ARHGAP12: variants seen among roughly 807,000 people sequenced by gnomAD.
ARHGAP12 encodes Rho GTPase activating protein 12, also known as rho GTPase-activating protein 12.
ARHGAP12 carries 64 observed loss-of-function variants against 108.6 expected under a neutral mutation model. The observed-to-expected ratio is 0.59, with a 90% confidence interval of 0.48 to 0.73. The LOEUF is 0.73. Among genes scored for constraint, ARHGAP12 ranks in the 30% least tolerant of loss-of-function variants. ARHGAP12 has a pLI of 0.00. For missense variants in ARHGAP12, 940 were observed against 1,005.9 expected, an observed-to-expected ratio of 0.93 and a Z score of 0.89; for synonymous variants, 312 against 337.2, an observed-to-expected ratio of 0.93 and a Z score of 0.82.
chr10:31,926,436 C>T (rs756424486), intron 1 of ARHGAP12, among the ~76,000 whole-genome samples: 4 of 151,994 alleles, frequency 2.6e-5, no homozygotes, highest in Non-Finnish European at 5.9e-5. Context: ...TGTCGTACTA[C>T]GACACCTTTC....
chr10:31,817,087 T>C (rs944913083), intron 13 of ARHGAP12, among the ~76,000 whole-genome samples: 5 of 152,022 alleles, frequency 3.3e-5, no homozygotes, highest in Non-Finnish European at 5.9e-5. Context: ...TGGAGCACAC[T>C]TGTAGTCCCA....
At chr10:31,853,610 C>A (rs866716688) in intron 5 of ARHGAP12, among the ~76,000 whole-genome samples, 1 of 152,148 alleles carries the variant, frequency 6.6e-6, no homozygotes, top group Non-Finnish European at 1.5e-5. Flanking sequence ...ATGCAATACA[C>A]ACATAAAATG....
chr10:31,884,950 AT>A lies in ARHGAP12; in HGVS notation c.684+23221del, dbSNP rs955861145. On this transcript the variant is annotated intron_variant, in intron 3 of 19. Coordinates refer to ENST00000344936, the MANE Select transcript of ARHGAP12 (RefSeq NM_018287.7). ...TGCAATAAAAATCAATTATTTTCTT[AT>A]TTTTTTTTAATTTTGGGGGTACATG... Among the ~76,000 whole-genome samples, 325 of 151,264 alleles carry A rather than the reference AT, an allele frequency of 2.1e-3. 3 individuals are homozygous for A. The highest frequency in any genetic ancestry group is 6.7e-3 in the African/African-American group (276 of 41,264).
intron 3 of ARHGAP12, among the ~76,000 whole-genome samples, chr10:31,884,867 C>A (rs1244185352): frequency 6.6e-6 from 1 of 152,078 alleles, no homozygotes; most frequent in Non-Finnish European, 1.5e-5. Flanking sequence ...CAGTTGAGCT[C>A]AAAAAACTCA....
chr10:31,922,844 T>C (rs1035251263), intron 1 of ARHGAP12, among the ~76,000 whole-genome samples: 3 of 152,038 alleles, frequency 2.0e-5, no homozygotes, highest in Admixed American at 6.5e-5. Flanking sequence ...AAAAAAATCA[T>C]AGGTTAGGCA....
At chr10:31,925,662 C>T (rs1317560277) in intron 1 of ARHGAP12, among the ~76,000 whole-genome samples, 1 of 152,110 alleles carries the variant, frequency 6.6e-6, no homozygotes, top group African/African-American at 2.4e-5. Flanking sequence ...TAACAACAAC[C>T]GGTATGAGGT....
At chr10:31,829,278 T>C (rs2132195711) in intron 10 of ARHGAP12, among the ~76,000 whole-genome samples, 1 of 152,066 alleles carries the variant, frequency 6.6e-6, no homozygotes, top group East Asian at 1.9e-4. Flanking sequence ...CAATACAAAA[T>C]ATCTAAGGTA....
At chr10:31,842,967 A>G (rs1836325530) in intron 7 of ARHGAP12, among the ~76,000 whole-genome samples, 1 of 152,154 alleles carries the variant, frequency 6.6e-6, no homozygotes, top group Admixed American at 6.6e-5. Flanking sequence ...TGCTTTCTGC[A>G]GAGAGCATTT....
intron 1 of ARHGAP12, among the ~76,000 whole-genome samples, chr10:31,927,517 C>T (rs1840099910): frequency 6.6e-6 from 1 of 152,152 alleles, no homozygotes; most frequent in Admixed American, 6.5e-5. Flanking sequence ...CCACCACCTC[C>T]CTTTAGGAAC....
intron 9 of ARHGAP12, among the ~76,000 whole-genome samples, chr10:31,836,597 AATG>A (rs1262104720): frequency 6.6e-6 from 1 of 152,210 alleles, no homozygotes; most frequent in Non-Finnish European, 1.5e-5. Context: ...AAGAACTGAA[AATG>A]ATGATGGTAT....
intron 3 of ARHGAP12, among the ~76,000 whole-genome samples, chr10:31,873,706 T>A (rs1837621218): frequency 6.6e-6 from 1 of 152,240 alleles, no homozygotes; most frequent in Non-Finnish European, 1.5e-5. Flanking sequence ...GATTCTCCTG[T>A]TCTCAGTAAC....
chr10:31,897,006 C>T (rs149848771), intron 3 of ARHGAP12, among the ~76,000 whole-genome samples: 1 of 152,238 alleles, frequency 6.6e-6, no homozygotes, highest in East Asian at 1.9e-4. Flanking sequence ...CTGCTGGAGG[C>T]TAAGTGTGGA....
At chr10:31,904,351 A>G (rs1564424442) in intron 3 of ARHGAP12, among the ~76,000 whole-genome samples, 1 of 152,234 alleles carries the variant, frequency 6.6e-6, no homozygotes, top group Non-Finnish European at 1.5e-5. Flanking sequence ...TGAAAGGCCA[A>G]TCCCCAAAGG....
chr10:31,817,623 A>G (rs1029129873), intron 13 of ARHGAP12, among the ~76,000 whole-genome samples, 165 bp downstream of exon 13: 1 of 152,218 alleles, frequency 6.6e-6, no homozygotes, highest in Non-Finnish European at 1.5e-5. Context: ...ATCATTCACC[A>G]GCCCTGGGGG....
At chr10:31,913,634 CA>C (rs111394509) in intron 1 of ARHGAP12, 35,182 of 92,314 alleles carry the variant, frequency 0.38, 3,922 homozygotes, top group Middle Eastern at 0.44. Flanking sequence ...CCTGATGCTG[CA>C]AAAAAAAAAA....
intron 18 of ARHGAP12, 102 bp downstream of exon 18, chr10:31,808,892 T>C: frequency 7.3e-7 from 1 of 1,376,104 alleles, no homozygotes; most frequent in Non-Finnish European, 1.0e-6. Flanking sequence ...AAACAATCTG[T>C]TGAAAATACT....
At chr10:31,894,843 A>C (rs1439896363) in intron 3 of ARHGAP12, among the ~76,000 whole-genome samples, 2 of 151,816 alleles carry the variant, frequency 1.3e-5, no homozygotes, top group Non-Finnish European at 1.5e-5. Flanking sequence ...ACCTGACTTC[A>C]AACTATACTA....
At chr10:31,860,035 G>C (rs796218946) in intron 4 of ARHGAP12, among the ~76,000 whole-genome samples, 70 of 152,214 alleles carry the variant, frequency 4.6e-4, no homozygotes, top group African/African-American at 1.5e-3. Context: ...GCCTCCCAAA[G>C]TGCTAGAATT....
intron 1 of ARHGAP12, among the ~76,000 whole-genome samples, chr10:31,926,028 T>C (rs1047237467): frequency 5.1e-5 from 7 of 137,866 alleles, no homozygotes; most frequent in African/African-American, 1.4e-4. Context: ...GTAATTTATA[T>C]AGGCATTACA....
Sources: gnomAD v4.1 joint callset for allele counts (sites outside exome capture counted in the v4.1 genomes callset) on GRCh38, gnomAD v4.1.1 for gene constraint, MANE v1.5 for transcripts, NCBI Gene and HGNC (gene_info 2026-07-23, HGNC 2026-07-21) for gene names.